The following ABR variants were observed in gnomAD, a reference collection of about 807,000 sequenced individuals.
ABR encodes active breakpoint cluster region-related protein.
A neutral mutation model predicts 107.2 loss-of-function variants in ABR; 35 were observed. The observed-to-expected ratio is 0.33, with a 90% CI of 0.25 to 0.43. The LOEUF (loss-of-function observed/expected upper bound fraction) is 0.43, where lower values mean the gene tolerates loss of function less well. Ranked by LOEUF, ABR falls within the 20% of genes least tolerant of loss-of-function variation. The pLI is 1.00. For synonymous variants in ABR, 498 were observed against 462.0 expected, an observed-to-expected ratio of 1.08 and a Z score of -1.00; for missense variants, 815 against 1,115.2, an observed-to-expected ratio of 0.73 and a Z score of 3.83.
At chr17:1,130,871 T>G (rs1477430437) in intron 1 of ABR, among the ~76,000 whole-genome samples, 1 of 151,782 alleles carries the variant, frequency 6.6e-6, no homozygotes, top group African/African-American at 2.4e-5. Flanking sequence ...AAGAGGGGAG[T>G]AAGTGGGAAC....
intron 11 of ABR, 66 bp from the exon 12 acceptor site, chr17:1,058,111 G>A (rs2033542844): frequency 5.6e-6 from 6 of 1,077,244 alleles, no homozygotes; most frequent in Non-Finnish European, 8.4e-6. Context: ...CCAGATCCTG[G>A]GGACCCCAAC....
Position 1,125,363 on chromosome 17 carries a change from G to A in ABR, c.66C>T (p.Phe22=). 1 of 1,613,184 alleles carries A rather than the reference G, an allele frequency of 6.2e-7. No individual in the cohort carries two copies. The highest frequency in any genetic ancestry group is 1.1e-5 in the South Asian group (1 of 91,088). Residue 22 remains phenylalanine (F), a synonymous_variant, in exon 2 of 23, where the codon TTC becomes TTT. Coordinates refer to ENST00000302538, the MANE Select transcript of ABR (RefSeq NM_021962.5). ...LSWIDTLYSN[F]SYGTDEYDGE... ...CGTCGTACTCGTCCGTCCCGTAGCTGAAGTCTGAGACAAGGAACAAGAAAG... is the reference window on the plus strand; with the variant it reads ...CGTCGTACTCGTCCGTCCCGTAGCTAAAGTCTGAGACAAGGAACAAGAAAG...
intron 1 of ABR, among the ~76,000 whole-genome samples, chr17:1,220,339 G>A (rs376599946): frequency 4.6e-5 from 7 of 152,116 alleles, no homozygotes; most frequent in East Asian, 3.9e-4. Flanking sequence ...GTTGAAAAAC[G>A]CGACGTGAGG....
Position 1,159,558 on chromosome 17 carries a change from C to T in ABR, c.61+20109G>A, listed in dbSNP as rs112765640. Among the ~76,000 whole-genome samples the T allele has an allele frequency of 1.3e-4, 6 of 46,824 alleles. 1 individual carries two copies. The highest frequency in any genetic ancestry group is 3.6e-4 in the African/African-American group (6 of 16,726). 30.7% of individuals were successfully genotyped at this position (46,824 alleles called of 152,430 possible). ...CTCACACACGGGAGAAGTAGGAATG[C>T]GGTACTCACACACGGGAGAAGTAAG... On this transcript the variant is annotated intron_variant, in intron 1 of 22. Transcript: ENST00000302538.
At chr17:1,141,168 C>T (rs2040270876) in intron 1 of ABR, among the ~76,000 whole-genome samples, 1 of 152,112 alleles carries the variant, frequency 6.6e-6, no homozygotes, top group South Asian at 2.1e-4. Context: ...CCCAGCTGAT[C>T]CAGGAGATAT....
intron 2 of ABR, among the ~76,000 whole-genome samples, chr17:1,105,975 C>A (rs59879205): frequency 0.013 from 1,975 of 152,266 alleles, 48 homozygotes; most frequent in African/African-American, 0.045. Context: ...TTCTACAACG[C>A]CCCCGTCACA....
At chr17:1,207,908 T>A (rs965772157) in intron 1 of ABR, among the ~76,000 whole-genome samples, 2 of 151,818 alleles carry the variant, frequency 1.3e-5, no homozygotes, top group South Asian at 4.2e-4. Flanking sequence ...TAGCTGGGAT[T>A]ACAAGGCGCC....
At chr17:1,066,996 A>G (rs2040700439) in intron 10 of ABR, 81 bp downstream of exon 10, 1 of 1,496,982 alleles carries the variant, frequency 6.7e-7, no homozygotes, top group African/African-American at 1.4e-5. Flanking sequence ...CAAAGTCTCA[A>G]ACCTTACAAC....
chr17:1,058,575 C>G (rs1342356092), intron 11 of ABR, among the ~76,000 whole-genome samples, 170 bp downstream of exon 11: 1 of 152,184 alleles, frequency 6.6e-6, no homozygotes, highest in Non-Finnish European at 1.5e-5. Flanking sequence ...GCAGAGGGCA[C>G]TCATTCCACA....
At chr17:1,024,783 C>CAAA (rs57876178) in intron 16 of ABR, among the ~76,000 whole-genome samples, 2 of 92,756 alleles carry the variant, frequency 2.2e-5, no homozygotes, top group African/African-American at 4.4e-5. Context: ...GAGACTCCCA[C>CAAA]AAAAAAAAAA....
chr17:1,178,773 G>A (rs960467624), intron 1 of ABR, among the ~76,000 whole-genome samples: 1 of 151,394 alleles, frequency 6.6e-6, no homozygotes, highest in African/African-American at 2.4e-5. Context: ...TAATCCCTGA[G>A]AGCTTTCGGG....
intron 2 of ABR, among the ~76,000 whole-genome samples, chr17:1,119,912 T>C (rs9748205): frequency 0.74 from 112,690 of 152,030 alleles, 41,950 homozygotes; most frequent in East Asian, 0.88. Context: ...AGAGATGGAG[T>C]CTTGCTCTGT....
At chr17:1,125,676 C>G in intron 1 of ABR, 1 of 341,116 alleles carries the variant, frequency 2.9e-6, no homozygotes, top group African/African-American at 2.2e-5. Flanking sequence ...CTGCCTAATT[C>G]CAAGTGTAAA....
chr17:1,061,855 C>T (rs530326750), intron 10 of ABR, among the ~76,000 whole-genome samples: 1 of 152,278 alleles, frequency 6.6e-6, no homozygotes, highest in South Asian at 2.1e-4. Flanking sequence ...CCCTAACCAC[C>T]TGTTTTCTAC....
chr17:1,043,126 T>G (rs902897603), intron 16 of ABR, among the ~76,000 whole-genome samples: 1 of 152,218 alleles, frequency 6.6e-6, no homozygotes, highest in Admixed American at 6.5e-5. Flanking sequence ...TGGCAACGGC[T>G]GCACAGCACC....
At chr17:1,079,581 A>G (rs1213784378) in intron 5 of ABR, among the ~76,000 whole-genome samples, 191 bp from the exon 6 acceptor site, 2 of 151,956 alleles carry the variant, frequency 1.3e-5, no homozygotes, top group Non-Finnish European at 2.9e-5. Context: ...CTGAGGTCGG[A>G]AGTTCGAGAC....
intron 1 of ABR, among the ~76,000 whole-genome samples, chr17:1,170,958 C>T (rs572770527): frequency 6.6e-6 from 1 of 152,210 alleles, no homozygotes; most frequent in East Asian, 1.9e-4. Flanking sequence ...CACACACTGC[C>T]ACGCTGACCC....
chr17:1,025,711 T>TC (rs1567600961), intron 16 of ABR, among the ~76,000 whole-genome samples: 2 of 152,164 alleles, frequency 1.3e-5, no homozygotes, highest in Admixed American at 6.5e-5. Context: ...AAGCCAGGCA[T>TC]CCCCCCGTCA....
intron 1 of ABR, among the ~76,000 whole-genome samples, chr17:1,161,661 T>C (rs2041299741): frequency 6.6e-6 from 1 of 151,714 alleles, no homozygotes; most frequent in Admixed American, 6.6e-5. Context: ...TTCAAACAAT[T>C]CTCCTGCCTC....
Sources: allele counts gnomAD v4.1 joint callset (sites outside exome capture counted in the v4.1 genomes callset), GRCh38; gene constraint gnomAD v4.1.1; transcripts MANE v1.5; gene names NCBI Gene and HGNC (gene_info 2026-07-23, HGNC 2026-07-21).